The following GALNT13 variants were observed in gnomAD, a reference collection of about 807,000 sequenced individuals.
GALNT13 encodes the protein polypeptide N-acetylgalactosaminyltransferase 13, also known as UDP-GalNAc:polypeptide N-acetylgalactosaminyltransferase 13.
A neutral mutation model predicts 64.2 loss-of-function variants in GALNT13; 28 were observed. The observed-to-expected ratio is 0.44, with a 90% CI of 0.32 to 0.60. The LOEUF (loss-of-function observed/expected upper bound fraction) is 0.60, where lower values mean the gene tolerates loss of function less well. GALNT13 is among the 20% of genes least tolerant of loss of function. The probability of loss-of-function intolerance (pLI) is 0.05; values close to 1 mark genes in which losing one functional copy is unlikely to be tolerated. For synonymous variants in GALNT13, 214 were observed against 224.6 expected, an observed-to-expected ratio of 0.95 and a Z score of 0.42; for missense variants, 577 against 669.8, an observed-to-expected ratio of 0.86 and a Z score of 1.53.
chr2:153,593,225 T>C, the GALNT13 span: 1 of 152,280 alleles, frequency 6.6e-6, no homozygotes, highest in Admixed American at 6.6e-5. Context: ...GACTTGGGGC[T>C]GTTGGGGGTA....
At chr2:153,070,452 T>C in the GALNT13 span, among the ~76,000 whole-genome samples, 1 of 152,168 alleles carries the variant, frequency 6.6e-6, no homozygotes, top group Non-Finnish European at 1.5e-5. Flanking sequence ...TGAAACCTAA[T>C]GTAAAATATG....
At chr2:154,426,023 A>G (rs1700453048) in intron 11 of GALNT13, among the ~76,000 whole-genome samples, 1 of 152,204 alleles carries the variant, frequency 6.6e-6, no homozygotes, top group African/African-American at 2.4e-5. Context: ...ATTATTTCAC[A>G]GTTTGTAAGA....
the GALNT13 span, among the ~76,000 whole-genome samples, chr2:153,262,949 A>C: frequency 1.3e-5 from 2 of 152,114 alleles, no homozygotes; most frequent in Non-Finnish European, 2.9e-5. Context: ...AGTTCTGGCC[A>C]GGGCAATCAG....
the GALNT13 span, among the ~76,000 whole-genome samples, chr2:153,730,447 A>C: frequency 6.6e-6 from 1 of 151,928 alleles, no homozygotes; most frequent in African/African-American, 2.4e-5. Context: ...AACTCAAATG[A>C]ATTAACAAGT....
the GALNT13 span, among the ~76,000 whole-genome samples, chr2:153,144,443 C>T: frequency 5.3e-5 from 8 of 151,984 alleles, no homozygotes; most frequent in East Asian, 1.4e-3. Context: ...TCTTCTTGGG[C>T]TCTAAATAAT....
intron 3 of GALNT13, among the ~76,000 whole-genome samples, chr2:154,110,336 T>TAGAG (rs1190684961): frequency 0.019 from 183 of 9,862 alleles, 15 homozygotes; most frequent in Non-Finnish European, 0.023. Context: ...TATATATATA[T>TAGAG]AGAGAGAGAG....
At chr2:154,340,130 T>C (rs1695676833) in intron 9 of GALNT13, among the ~76,000 whole-genome samples, 2 of 152,168 alleles carry the variant, frequency 1.3e-5, no homozygotes, top group Admixed American at 6.6e-5. Context: ...GGCATAGTAT[T>C]ATTTCCATTG....
the GALNT13 span, among the ~76,000 whole-genome samples, chr2:153,766,824 A>G: frequency 6.6e-6 from 1 of 151,992 alleles, no homozygotes. Flanking sequence ...AAACTTCTTT[A>G]AGAGGATTAT....
the GALNT13 span, among the ~76,000 whole-genome samples, chr2:153,699,974 C>T: frequency 1.3e-5 from 2 of 152,138 alleles, no homozygotes; most frequent in Non-Finnish European, 2.9e-5. Context: ...GGAGAGACTC[C>T]TTCCTAACTC....
chr2:154,380,706 C>G (rs777789778), intron 9 of GALNT13, among the ~76,000 whole-genome samples: 4 of 151,954 alleles, frequency 2.6e-5, no homozygotes, highest in Non-Finnish European at 4.4e-5. Flanking sequence ...TGGCTGAAAT[C>G]CAGACATATT....
chr2:154,434,919 G>A (rs937264298), intron 11 of GALNT13, among the ~76,000 whole-genome samples: 9 of 152,022 alleles, frequency 5.9e-5, no homozygotes, highest in South Asian at 2.1e-4. Context: ...TAATATATAC[G>A]AAGCATAGAA....
chr2:153,510,994 G>C, the GALNT13 span, among the ~76,000 whole-genome samples: 1 of 152,046 alleles, frequency 6.6e-6, no homozygotes. Context: ...ATGAAAGACT[G>C]ACCTAGGAGT....
the GALNT13 span, among the ~76,000 whole-genome samples, chr2:153,414,492 T>A: frequency 6.6e-6 from 1 of 151,720 alleles, no homozygotes; most frequent in Admixed American, 6.6e-5. Flanking sequence ...TTTTTTTTTT[T>A]TTTGGTAATT....
At chr2:154,195,476 A>G (rs1559017970) in intron 4 of GALNT13, among the ~76,000 whole-genome samples, 1 of 152,190 alleles carries the variant, frequency 6.6e-6, no homozygotes, top group Non-Finnish European at 1.5e-5. Flanking sequence ...CTAAGAAACC[A>G]TAAATCTCAC....
the GALNT13 span, among the ~76,000 whole-genome samples, chr2:153,718,538 TA>T: frequency 6.6e-6 from 1 of 152,112 alleles, no homozygotes; most frequent in Non-Finnish European, 1.5e-5. Flanking sequence ...TTGAGGCTCA[TA>T]AAAGTAATAG....
intron 2 of GALNT13, among the ~76,000 whole-genome samples, chr2:153,924,891 C>G (rs1336646923): frequency 6.6e-6 from 1 of 151,974 alleles, no homozygotes; most frequent in Non-Finnish European, 1.5e-5. Context: ...CCTTTGTGCA[C>G]TTTTTGATGC....
chr2:153,341,394 A>G, the GALNT13 span, among the ~76,000 whole-genome samples: 183 of 152,346 alleles, frequency 1.2e-3, 1 homozygote, highest in African/African-American at 4.3e-3. Flanking sequence ...TTGGGATTCA[A>G]AAATAATGGC....
the GALNT13 span, among the ~76,000 whole-genome samples, chr2:153,407,361 C>G: frequency 6.6e-6 from 1 of 152,142 alleles, no homozygotes; most frequent in Admixed American, 6.5e-5. Flanking sequence ...AATGATCCTA[C>G]AATTTGAGGT....
At chr2:153,087,080 C>A in the GALNT13 span, among the ~76,000 whole-genome samples, 1 of 152,138 alleles carries the variant, frequency 6.6e-6, no homozygotes, top group Non-Finnish European at 1.5e-5. Flanking sequence ...GGAGTTCTTT[C>A]AACTTCTCCC....
Sources: gnomAD v4.1 joint callset for allele counts (sites outside exome capture counted in the v4.1 genomes callset) on GRCh38, gnomAD v4.1.1 for gene constraint, MANE v1.5 for transcripts, NCBI Gene and HGNC (gene_info 2026-07-23, HGNC 2026-07-21) for gene names.